DENND3: variants seen among roughly 807,000 people sequenced by gnomAD.
DENND3 encodes the protein DENN domain-containing protein 3.
Under a neutral mutation model 135.1 loss-of-function variants are expected in DENND3, and 88 were observed. The ratio of observed to expected loss-of-function variants is 0.65; its 90% confidence interval spans 0.55 to 0.78. DENND3 has a LOEUF of 0.78. Among genes scored for constraint, DENND3 ranks in the 30% least tolerant of loss-of-function variants. The pLI is 0.00. For missense variants in DENND3, 1,392 were observed against 1,688.4 expected (o/e 0.82, Z 3.08); for synonymous variants, 693 against 712.3 (o/e 0.97, Z 0.43).
At chr8:141,183,814 C>T (rs1297926408) in intron 17 of DENND3, among the ~76,000 whole-genome samples, 2 of 150,926 alleles carry the variant, frequency 1.3e-5, no homozygotes, top group Non-Finnish European at 2.9e-5. Context: ...GCAACGCTCA[C>T]TCTAGCTGAA....
chr8:141,159,388 C>T (rs1002041249), intron 8 of DENND3, among the ~76,000 whole-genome samples: 17 of 152,220 alleles, frequency 1.1e-4, no homozygotes, highest in Non-Finnish European at 2.4e-4. Context: ...CTGGGCCGCA[C>T]TGGGTCCATC....
chr8:141,178,298 C>T, intron 16 of DENND3, 102 bp downstream of exon 16: 4 of 1,458,890 alleles, frequency 2.7e-6, no homozygotes, highest in South Asian at 2.9e-5. Context: ...CCGAGCCCAG[C>T]TCCCCCAGTT....
chr8:141,191,458 T>TTAAC (rs1442399353), intron 20 of DENND3: 1 of 152,270 alleles, frequency 6.6e-6, no homozygotes, highest in African/African-American at 2.4e-5. Flanking sequence ...TTCACTCTGC[T>TTAAC]TAACTGTTTG....
intron 8 of DENND3, chr8:141,158,254 C>T: frequency 7.8e-7 from 1 of 1,289,380 alleles, no homozygotes; most frequent in Non-Finnish European, 1.0e-6. Context: ...TTGAAGGAGA[C>T]ACGTGCTTTC....
At chr8:141,169,471 C>G (rs1378271494) in intron 13 of DENND3, among the ~76,000 whole-genome samples, 2 of 152,228 alleles carry the variant, frequency 1.3e-5, no homozygotes, top group Non-Finnish European at 2.9e-5. Flanking sequence ...ATGGCCTCGG[C>G]TGAAATGCTG....
rs1817836854 is a variant in DENND3, at chr8:141,144,652, A to C, written c.735+393A>C. On this transcript the variant is annotated intron_variant, in intron 5 of 22. Coordinates refer to ENST00000519811, the MANE Select transcript of DENND3 (RefSeq NM_001352890.3). The surrounding 1 kb of genome is among the most constrained non-coding windows in gnomAD (Gnocchi z 4.4). ...AACCTTAAAAATGAAATTCCCGGCC[A>C]TGACAGGAAGGAAGGTCAGACACGC... Among the ~76,000 whole-genome samples, 1 of 151,840 alleles carries C rather than the reference A, an allele frequency of 6.6e-6. No individual in the cohort carries two copies.
chr8:141,182,690 C>T lies in DENND3; in HGVS notation c.2944+1836C>T, dbSNP rs1229284727. Among the ~76,000 whole-genome samples the T allele has an allele frequency of 5.3e-5, 8 of 152,158 alleles. No homozygotes were observed. Among genetic ancestry groups the T allele is most frequent in the Non-Finnish European group, 1.2e-4 (8 of 68,032 alleles). On this transcript the variant is annotated intron_variant, in intron 17 of 22. Transcript: ENST00000519811. The surrounding 1 kb of genome is among the most constrained non-coding windows in gnomAD (Gnocchi z 5.9). The stretch of plus-strand genomic sequence containing the variant: ...AAGGGGTGGCCGAGAAGCTGGTAGC[C>T]GAGCAGGGCTTTTGCAAGCCTTGTG...
chr8:141,156,669 C>T (rs1160439929), intron 8 of DENND3, among the ~76,000 whole-genome samples: 1 of 152,172 alleles, frequency 6.6e-6, no homozygotes, highest in African/African-American at 2.4e-5. Flanking sequence ...CAGCCATGGC[C>T]CCTGCCCCTT....
intron 18 of DENND3, chr8:141,188,388 G>C (rs1381269009): frequency 6.6e-6 from 1 of 152,192 alleles, no homozygotes; most frequent in African/African-American, 2.4e-5. Flanking sequence ...TCATCATTTG[G>C]AGATTCCGTA....
At chr8:141,192,505 A>G in intron 21 of DENND3, 21 bp from the exon 22 acceptor site, 1 of 1,608,178 alleles carries the variant, frequency 6.2e-7, no homozygotes, top group South Asian at 1.1e-5. Flanking sequence ...CCCATAGCCC[A>G]CACCGTGCCC....
rs1265424528 is a variant in DENND3, at chr8:141,128,684, ACTGGCGG to A, written c.-22_-16del. 1 of 1,369,690 alleles carries A rather than the reference ACTGGCGG, an allele frequency of 7.3e-7. No homozygotes were observed. The highest frequency in any genetic ancestry group is 9.4e-7 in the Non-Finnish European group (1 of 1,060,592). The allele number at this position is 1,369,690 out of a possible 1,614,324, so 84.8% of individuals were successfully genotyped here. On this transcript the variant is annotated 5_prime_UTR_variant, in exon 1 of 23. Transcript: ENST00000519811. The surrounding 1 kb of genome is among the most constrained non-coding windows in gnomAD (Gnocchi z 4.5). ...CGCGGCTGAGGCGCCCGAGTGCGGTACTGGCGGCGGGCGGCGGGCAGCCATGGCGGAG... is the reference window on the plus strand; with the variant it reads ...CGCGGCTGAGGCGCCCGAGTGCGGTACGGGCGGCGGGCAGCCATGGCGGAG...
intron 22 of DENND3, 124 bp downstream of exon 22, chr8:141,192,787 C>A (rs1345698275): frequency 2.5e-6 from 4 of 1,590,794 alleles, no homozygotes; most frequent in Non-Finnish European, 3.4e-6. Context: ...TCTCAGGGTT[C>A]CCCTCCTAAC....
At chr8:141,155,006 G>T (rs560709082) in intron 7 of DENND3, among the ~76,000 whole-genome samples, 1 of 152,310 alleles carries the variant, frequency 6.6e-6, no homozygotes, top group African/African-American at 2.4e-5. Context: ...TCAACGTGGA[G>T]TGAAATAGGC....
Position 141,141,535 on chromosome 8 carries a change from G to C in DENND3, c.623+211G>C, listed in dbSNP as rs945143966. 1.0e-5 allele frequency: 6 copies of C among 591,102 alleles called. No individual in the cohort carries two copies. In the African/African-American group the frequency reaches 1.1e-4, roughly 11 times the overall value. 36.6% of individuals were successfully genotyped at this position (591,102 alleles called of 1,614,324 possible). On this transcript the variant is annotated intron_variant, in intron 4 of 22. Coordinates refer to ENST00000519811, the MANE Select transcript of DENND3 (RefSeq NM_001352890.3). The surrounding 1 kb of genome is among the most constrained non-coding windows in gnomAD (Gnocchi z 5.3). ...TTAAGGCTGGGGGCAGTGGGCAGGG[G>C]GTGTGGCAGCGGGCGCTCCTCTCTG...
At chr8:141,176,329 G>T in intron 14 of DENND3, 1 of 439,988 alleles carries the variant, frequency 2.3e-6, no homozygotes, top group Non-Finnish European at 4.0e-6. Flanking sequence ...AGTATTTAAG[G>T]ATGTGAAAGA....
At chr8:141,171,727 G>A (rs903473379) in intron 13 of DENND3, among the ~76,000 whole-genome samples, 1 of 152,236 alleles carries the variant, frequency 6.6e-6, no homozygotes, top group African/African-American at 2.4e-5. Context: ...TGTGCACAGT[G>A]GCTGTGGGTG....
Position 141,136,744 on chromosome 8 carries a change from T to A in DENND3, c.338T>A (p.Val113Asp). The stretch of plus-strand genomic sequence containing the variant: ...GCGCCAGAGCCTGAGGATGTCGCCG[T>A]CCCGGGCGGCGTGGACCTCCTCACC... ...PRAPEPEDVA[V>D]PGGVDLLTLP... The change falls in exon 2 of 23, where the codon GTC becomes GAC. Residue 113 changes from valine to aspartate, a missense_variant. Physicochemically the swap from Val to Asp is radical, Grantham distance 152. Transcript: ENST00000519811. 1 of 1,600,666 alleles carries A rather than the reference T, an allele frequency of 6.2e-7. No homozygotes were observed. Among genetic ancestry groups the A allele is most frequent in the Non-Finnish European group, 8.5e-7 (1 of 1,174,358 alleles).
At position 141,128,815 on chromosome 8, in the gene DENND3, G is replaced by C; in HGVS notation, c.102+6G>C. On this transcript the variant is annotated splice_donor_region_variant and intron_variant, in intron 1 of 22. Coordinates refer to ENST00000519811, the MANE Select transcript of DENND3 (RefSeq NM_001352890.3). The surrounding 1 kb of genome is among the most constrained non-coding windows in gnomAD (Gnocchi z 4.5). ...GTCTCCGAAGTCTCGAGCAGGTGAG[G>C]GGCGGGGAAACTGAGGCGGACGTGG... 1 of 1,408,190 alleles carries C rather than the reference G, an allele frequency of 7.1e-7. No individual in the cohort carries two copies. The allele number at this position is 1,408,190 out of a possible 1,614,324, so 87.2% of individuals were successfully genotyped here.
chr8:141,187,693 T>C (rs1043326401), intron 18 of DENND3, among the ~76,000 whole-genome samples: 8 of 151,848 alleles, frequency 5.3e-5, no homozygotes. Flanking sequence ...AAACTTTACA[T>C]GTTAGAAGGT....
Sources: gnomAD v4.1 joint callset for allele counts (sites outside exome capture counted in the v4.1 genomes callset) on GRCh38, gnomAD v4.1.1 for gene constraint, Gnocchi (gnomAD v3.1) non-coding constraint, MANE v1.5 for transcripts, NCBI Gene and HGNC (gene_info 2026-07-23, HGNC 2026-07-21) for gene names.